SLC15A2: variants seen among roughly 807,000 people sequenced by gnomAD.
SLC15A2 encodes solute carrier family 15 member 2, also known as kidney H(+)/peptide cotransporter.
SLC15A2 carries 77 observed loss-of-function variants against 95.5 expected under a neutral mutation model. That is an observed-to-expected ratio of 0.81 (90% CI 0.67 to 0.97). The LOEUF is 0.97. Among genes scored for constraint, SLC15A2 ranks in the 50% least tolerant of loss-of-function variants. The pLI is 0.00. For missense variants in SLC15A2, 893 were observed against 874.4 expected, an observed-to-expected ratio of 1.02 and a Z score of -0.27; for synonymous variants, 306 against 306.9, an observed-to-expected ratio of 1.00 and a Z score of 0.03.
intron 7 of SLC15A2, 87 bp from the exon 8 acceptor site, chr3:121,922,133 C>T: frequency 3.8e-6 from 4 of 1,041,224 alleles, no homozygotes; most frequent in Non-Finnish European, 5.8e-6. Context: ...TGGTTTTTGC[C>T]ATTGAAAGTA....
In SLC15A2 at chr3:121,941,500, T is replaced by C. The variant is rs1382417254; in HGVS notation, c.*493T>C. The stretch of plus-strand genomic sequence containing the variant: ...AATTGGTATGTATGATGTGATCTGG[T>C]CCAGCCAGGGCCTGGCTTGTCAGCT... On this transcript the variant is annotated 3_prime_UTR_variant, in exon 22 of 22. Transcript: ENST00000489711. The C allele has an allele frequency of 6.6e-6, 1 of 152,268 alleles. No individual in the cohort carries two copies. Among genetic ancestry groups the C allele is most frequent in the Non-Finnish European group, 1.5e-5 (1 of 68,078 alleles). 9.4% of individuals were successfully genotyped at this position (152,268 alleles called of 1,614,324 possible).
chr3:121,930,610 A>G (rs1710212891), intron 17 of SLC15A2, among the ~76,000 whole-genome samples: 1 of 152,190 alleles, frequency 6.6e-6, no homozygotes, highest in South Asian at 2.1e-4. Context: ...TGTGGCAGAT[A>G]AAAGTTCAAG....
intron 19 of SLC15A2, among the ~76,000 whole-genome samples, chr3:121,935,406 G>T (rs1306490898): frequency 6.6e-6 from 1 of 152,084 alleles, no homozygotes; most frequent in Non-Finnish European, 1.5e-5. Context: ...GACTCTTTTT[G>T]GTTGGTAAGC....
rs560947392 is a variant in SLC15A2, at chr3:121,924,540, C to T, written c.1035+157C>T. 2.8e-3 allele frequency among the ~76,000 whole-genome samples: 433 copies of T among 152,302 alleles called. 2 individuals are homozygous for T. Among genetic ancestry groups the T allele is most frequent in the Non-Finnish European group, 4.1e-3 (279 of 68,034 alleles). ...GAAAACATTCCCATTAAGCCCCACC[C>T]TTCTCCTTCACATCCCCTGTTAAGT... On this transcript the variant is annotated intron_variant, in intron 12 of 21. Coordinates refer to ENST00000489711, the MANE Select transcript of SLC15A2 (RefSeq NM_021082.4).
chr3:121,904,992 G>A (rs926488147), intron 3 of SLC15A2, among the ~76,000 whole-genome samples: 3 of 152,070 alleles, frequency 2.0e-5, no homozygotes, highest in Admixed American at 6.5e-5. Context: ...CCTTTTTTTG[G>A]TTGGTAGGCT....
chr3:121,936,062 C>T (rs7619800), intron 19 of SLC15A2, among the ~76,000 whole-genome samples: 3,942 of 152,196 alleles, frequency 0.026, 151 homozygotes, highest in African/African-American at 0.09. Flanking sequence ...AGTTTCCATG[C>T]AGTTGAGCAG....
chr3:121,915,870 C>T (rs144645853), intron 7 of SLC15A2, among the ~76,000 whole-genome samples, 177 bp downstream of exon 7: 16 of 152,212 alleles, frequency 1.1e-4, no homozygotes, highest in African/African-American at 3.9e-4. Flanking sequence ...AAGTCAGAAA[C>T]TTTAAGAAAA....
At chr3:121,915,015 GCTAAAGCTGCT>G in intron 5 of SLC15A2, 1 of 1,337,616 alleles carries the variant, frequency 7.5e-7, no homozygotes, top group Non-Finnish European at 9.6e-7. Context: ...GGAAAAGAAT[GCTAAAGCTGCT>G]CTGGAGTTTG....
At position 121,929,343 on chromosome 3, in the gene SLC15A2, C is replaced by T. The variant is rs759115793; in HGVS notation, c.1548C>T (p.Thr516=). 6.2e-6 allele frequency: 10 copies of T among 1,613,820 alleles called. No individual in the cohort carries two copies. The highest frequency in any genetic ancestry group is 4.4e-5 in the South Asian group (4 of 91,046). Residue 516 remains threonine, a synonymous_variant, in exon 17 of 22, where the codon ACC becomes ACT. Transcript: ENST00000489711. ...GCAGAACAACCAATGGGATGACAAC[C>T]GTGAGGTTTGAATGTCAATGAGATT... The part of the protein sequence containing the change: ...TESRTTNGMT[T]VRFVNTLHKD...
chr3:121,923,974 A>C (rs968095594), intron 11 of SLC15A2, among the ~76,000 whole-genome samples: 1 of 152,156 alleles, frequency 6.6e-6, no homozygotes, highest in African/African-American at 2.4e-5. Context: ...AACTTTGGAA[A>C]CACTATGTGT....
At chr3:121,935,531 G>T (rs1710324520) in intron 19 of SLC15A2, among the ~76,000 whole-genome samples, 1 of 152,158 alleles carries the variant, frequency 6.6e-6, no homozygotes, top group African/African-American at 2.4e-5. Context: ...ATTTCTTCTA[G>T]ACTTTCTAGT....
chr3:121,917,677 G>A (rs1204379857), intron 7 of SLC15A2, among the ~76,000 whole-genome samples: 1 of 152,004 alleles, frequency 6.6e-6, no homozygotes, highest in African/African-American at 2.4e-5. Context: ...AACAGAGCAA[G>A]CCCCTGTCTC....
At chr3:121,926,595 G>A (rs1710126389) in intron 13 of SLC15A2, among the ~76,000 whole-genome samples, 1 of 152,240 alleles carries the variant, frequency 6.6e-6, no homozygotes, top group Non-Finnish European at 1.5e-5. Context: ...GAAACCGGCT[G>A]CAGGGGTGGA....
In SLC15A2 at chr3:121,943,948, GA is replaced by G. The variant is rs912015172; in HGVS notation, c.*2942del. 6.6e-6 allele frequency: 1 copy of G among 152,118 alleles called. No individual in the cohort carries two copies. Among genetic ancestry groups the G allele is most frequent in the African/African-American group, 2.4e-5 (1 of 41,414 alleles). 9.4% of individuals were successfully genotyped at this position (152,118 alleles called of 1,614,324 possible). ...TACAAAAAACTTTACACATTATATA[GA>G]TGTATCAAATTATTCATATGTGCTC... On this transcript the variant is annotated 3_prime_UTR_variant, in exon 22 of 22. Coordinates refer to ENST00000489711, the MANE Select transcript of SLC15A2 (RefSeq NM_021082.4).
rs1559850238 is a variant in SLC15A2 at position 121,925,661 on chromosome 3, TAA to T, written c.1124+630_1124+631del. Among the ~76,000 whole-genome samples the T allele has an allele frequency of 2.5e-3, 323 of 126,724 alleles. 6 individuals carry two copies. The highest frequency in any genetic ancestry group is 9.4e-3 in the African/African-American group (308 of 32,684). The allele number at this position is 126,724 out of a possible 152,430, so 83.1% of individuals were successfully genotyped here. On this transcript the variant is annotated intron_variant, in intron 13 of 21. Coordinates refer to ENST00000489711, the MANE Select transcript of SLC15A2 (RefSeq NM_021082.4). ...TTTAGGACCAAGTGTCATGAAAATA[TAA>T]ATCAAGCAAAAAAAAAAACAACATT...
intron 3 of SLC15A2, among the ~76,000 whole-genome samples, chr3:121,899,077 TAA>T (rs1015271525): frequency 6.6e-6 from 1 of 152,148 alleles, no homozygotes; most frequent in Non-Finnish European, 1.5e-5. Flanking sequence ...AGTTGTAGAA[TAA>T]AGATTCATAT....
At chr3:121,915,506 T>A in intron 6 of SLC15A2, 110 bp from the exon 7 acceptor site, 2 of 874,158 alleles carry the variant, frequency 2.3e-6, no homozygotes, top group Admixed American at 4.0e-5. Context: ...AGAGGGTGGT[T>A]ATGTCTATTC....
chr3:121,897,644 G>C, intron 3 of SLC15A2, 115 bp downstream of exon 3: 1 of 1,022,986 alleles, frequency 9.8e-7, no homozygotes, highest in East Asian at 2.4e-5. Context: ...TGAAAAATAA[G>C]AATCTCTGTA....
intron 5 of SLC15A2, 175 bp from the exon 6 acceptor site, chr3:121,915,052 A>C (rs996805077): frequency 7.7e-7 from 1 of 1,302,666 alleles, no homozygotes; most frequent in Non-Finnish European, 1.0e-6. Context: ...TGAGTAAATG[A>C]TTGGGGTCAG....
Sources: gnomAD v4.1 joint callset for allele counts (sites outside exome capture counted in the v4.1 genomes callset) on GRCh38, gnomAD v4.1.1 for gene constraint, MANE v1.5 for transcripts, NCBI Gene and HGNC (gene_info 2026-07-23, HGNC 2026-07-21) for gene names.